Variants in PRKG1 observed in about 807,000 individuals in gnomAD.
PRKG1 encodes protein kinase cGMP-dependent 1, also known as cGMP-dependent protein kinase 1.
Under a neutral mutation model 88.1 loss-of-function variants are expected in PRKG1, and 35 were observed. That is an observed-to-expected ratio of 0.40 (90% CI 0.30 to 0.53). The LOEUF (loss-of-function observed/expected upper bound fraction) is 0.53. Ranked by LOEUF, PRKG1 falls within the 20% of genes least tolerant of loss-of-function variation. PRKG1 has a pLI of 0.59. For missense variants in PRKG1, 540 were observed against 839.8 expected, an observed-to-expected ratio of 0.64 and a Z score of 4.41; for synonymous variants, 303 against 292.5, an observed-to-expected ratio of 1.04 and a Z score of -0.37.
At chr10:51,179,182 A>G (rs2132022066) in intron 2 of PRKG1, among the ~76,000 whole-genome samples, 1 of 152,340 alleles carries the variant, frequency 6.6e-6, no homozygotes, top group African/African-American at 2.4e-5. Flanking sequence ...CTAAGAGGCT[A>G]CTATTATCAA....
chr10:51,033,640 G>A (rs1010616160), intron 1 of PRKG1, among the ~76,000 whole-genome samples: 9 of 152,054 alleles, frequency 5.9e-5, no homozygotes, highest in Admixed American at 1.3e-4. Flanking sequence ...GACACATTTC[G>A]GAGTGAAGAG....
intron 1 of PRKG1, among the ~76,000 whole-genome samples, 167 bp downstream of exon 1, chr10:51,075,068 A>C (rs1316974236): frequency 6.6e-6 from 1 of 152,202 alleles, no homozygotes. Context: ...CACGTTTCTC[A>C]GAGCCAGACT....
chr10:51,579,308 TA>T (rs1374332500), intron 3 of PRKG1, among the ~76,000 whole-genome samples: 2 of 151,972 alleles, frequency 1.3e-5, no homozygotes, highest in Admixed American at 6.6e-5. Flanking sequence ...ATGGATGTCT[TA>T]GTAATTCTGG....
At chr10:51,839,339 T>C (rs1419186624) in intron 4 of PRKG1, among the ~76,000 whole-genome samples, 3 of 152,186 alleles carry the variant, frequency 2.0e-5, no homozygotes, top group South Asian at 2.1e-4. Context: ...ACATTTAGCG[T>C]AGAAGCCAAC....
At chr10:51,951,437 C>CTGT (rs1275845017) in intron 5 of PRKG1, among the ~76,000 whole-genome samples, 20 of 152,162 alleles carry the variant, frequency 1.3e-4, no homozygotes, top group African/African-American at 4.8e-4. Context: ...AAGCTTAATA[C>CTGT]TGTTGCTAAT....
intron 7 of PRKG1, among the ~76,000 whole-genome samples, chr10:52,089,967 A>T (rs1050506219): frequency 6.6e-6 from 1 of 151,702 alleles, no homozygotes; most frequent in Non-Finnish European, 1.5e-5. Flanking sequence ...GGCATGTGCC[A>T]CCATGCCTAG....
At chr10:51,619,648 C>A (rs1485534659) in intron 3 of PRKG1, among the ~76,000 whole-genome samples, 1 of 152,174 alleles carries the variant, frequency 6.6e-6, no homozygotes, top group African/African-American at 2.4e-5. Flanking sequence ...ATTGCATTAT[C>A]ATCCCAGACA....
chr10:51,265,643 C>T (rs79933869), intron 2 of PRKG1, among the ~76,000 whole-genome samples: 1 of 152,236 alleles, frequency 6.6e-6, no homozygotes, highest in African/African-American at 2.4e-5. Flanking sequence ...AGAGTCTACA[C>T]TTTAGCAGAG....
At position 51,181,302 on chromosome 10, in the gene PRKG1, C is replaced by T. The variant is rs1172159519; in HGVS notation, c.478+27972C>T. The stretch of plus-strand genomic sequence containing the variant: ...CAGGCCGGGCTGCGGACTGCAGTGG[C>T]GCAATCTCGGCTCACTGCAAGCTCC... On this transcript the variant is annotated intron_variant, in intron 2 of 17. Coordinates refer to ENST00000373980, the MANE Select transcript of PRKG1 (RefSeq NM_006258.4). Among the ~76,000 whole-genome samples, 7 of 123,508 alleles carry T rather than the reference C, an allele frequency of 5.7e-5. No individual in the cohort carries two copies. In the East Asian group the frequency reaches 1.5e-3, roughly 27 times the overall value. 81.0% of individuals were successfully genotyped at this position (123,508 alleles called of 152,430 possible). A position where few individuals can be genotyped will look rare whatever the true frequency, so the allele number is the denominator to read the frequency against.
intron 5 of PRKG1, among the ~76,000 whole-genome samples, chr10:52,023,988 A>G (rs1341619069): frequency 6.6e-6 from 1 of 152,180 alleles, no homozygotes; most frequent in Non-Finnish European, 1.5e-5. Flanking sequence ...GTCTTTGCCC[A>G]TGCCTGTGTC....
chr10:51,925,227 T>C (rs2132989064), intron 5 of PRKG1, among the ~76,000 whole-genome samples: 1 of 150,874 alleles, frequency 6.6e-6, no homozygotes, highest in Admixed American at 6.6e-5. Context: ...GGCAAGAAGT[T>C]AGTCTGTGTT....
Position 52,295,550 on chromosome 10 carries a change from A to G in PRKG1, c.*1650A>G, listed in dbSNP as rs903862188. On this transcript the variant is annotated 3_prime_UTR_variant, in exon 18 of 18. Transcript: ENST00000373980. ...GGAAGCATTTCCTGGACAAAATTAC[A>G]TTATACCTGTGAAGAAAAATATAGA... 5 of 151,998 alleles carry G rather than the reference A, an allele frequency of 3.3e-5. No individual in the cohort carries two copies. Among genetic ancestry groups the G allele is most frequent in the Non-Finnish European group, 7.4e-5 (5 of 67,918 alleles). The allele number at this position is 151,998 out of a possible 1,614,324, so 9.4% of individuals were successfully genotyped here. A position where few individuals can be genotyped will look rare whatever the true frequency, so the allele number is the denominator to read the frequency against.
intron 1 of PRKG1, among the ~76,000 whole-genome samples, chr10:51,127,189 G>A (rs1468229618): frequency 6.6e-6 from 1 of 152,064 alleles, no homozygotes; most frequent in African/African-American, 2.4e-5. Context: ...CAGAGAATGG[G>A]AGAAAATTTT....
At chr10:52,056,728 G>A (rs1846119347) in intron 6 of PRKG1, among the ~76,000 whole-genome samples, 1 of 151,906 alleles carries the variant, frequency 6.6e-6, no homozygotes, top group South Asian at 2.1e-4. Context: ...ATGATTCTTA[G>A]TTATGTAAAT....
chr10:51,463,479 A>G (rs1354680516), intron 2 of PRKG1, among the ~76,000 whole-genome samples: 2 of 152,194 alleles, frequency 1.3e-5, no homozygotes, highest in African/African-American at 4.8e-5. Flanking sequence ...AGAGGTAGCC[A>G]CAGAATGAAA....
At chr10:51,760,821 A>G (rs1014264159) in intron 3 of PRKG1, among the ~76,000 whole-genome samples, 24 of 152,156 alleles carry the variant, frequency 1.6e-4, no homozygotes, top group African/African-American at 4.8e-4. Flanking sequence ...GAAATTGAAA[A>G]GAGGATCAAC....
intron 6 of PRKG1, among the ~76,000 whole-genome samples, chr10:52,056,616 T>C (rs1325082002): frequency 6.6e-6 from 1 of 152,170 alleles, no homozygotes; most frequent in Non-Finnish European, 1.5e-5. Flanking sequence ...AGGGAAGTAG[T>C]ACTAATATAT....
chr10:52,033,156 C>G (rs10740413), intron 5 of PRKG1, among the ~76,000 whole-genome samples: 112,629 of 152,074 alleles, frequency 0.74, 41,886 homozygotes, highest in South Asian at 0.79. Flanking sequence ...GTACTTTCTA[C>G]TGAGTGCAAG....
intron 2 of PRKG1, among the ~76,000 whole-genome samples, chr10:51,198,660 A>C (rs369563756): frequency 6.6e-6 from 1 of 152,194 alleles, no homozygotes; most frequent in African/African-American, 2.4e-5. Flanking sequence ...TCAGCAGCTG[A>C]TTATCCTGTT....
Sources: allele counts gnomAD v4.1 joint callset (sites outside exome capture counted in the v4.1 genomes callset), GRCh38; gene constraint gnomAD v4.1.1; transcripts MANE v1.5; gene names NCBI Gene and HGNC (gene_info 2026-07-23, HGNC 2026-07-21).